The following TLE1 variants were observed in gnomAD, a reference collection of about 807,000 sequenced individuals.
TLE1 encodes transducin-like enhancer protein 1.
In TLE1, 21 loss-of-function variants were observed where a neutral mutation model predicts 89.8. That is an observed-to-expected ratio of 0.23 (90% CI 0.17 to 0.34). The LOEUF is 0.34. TLE1 is among the 10% of genes least tolerant of loss of function. The probability of loss-of-function intolerance (pLI) is 1.00; values close to 1 mark genes in which losing one functional copy is unlikely to be tolerated. For missense variants in TLE1, 795 were observed against 1,031.2 expected (o/e 0.77, Z 3.14); for synonymous variants, 447 against 407.6 (o/e 1.10, Z -1.16).
At chr9:81,678,618 C>T (rs1253987487) in intron 4 of TLE1, among the ~76,000 whole-genome samples, 2 of 151,952 alleles carry the variant, frequency 1.3e-5, no homozygotes, top group Non-Finnish European at 1.5e-5. Flanking sequence ...AGTTCAATAC[C>T]AGCCTGGCCA....
chr9:81,592,997 C>T, intron 15 of TLE1, 28 bp downstream of exon 15: 3 of 1,594,674 alleles, frequency 1.9e-6, no homozygotes, highest in Non-Finnish European at 2.6e-6. Flanking sequence ...GAGAAATTGC[C>T]CTTGTGCACC....
intron 2 of TLE1, 47 bp from the exon 3 acceptor site, chr9:81,685,943 T>A: frequency 6.3e-7 from 1 of 1,595,722 alleles, no homozygotes; most frequent in Non-Finnish European, 8.6e-7. Context: ...ATGTCACTTG[T>A]TTTAACATCT....
chr9:81,633,972 C>A, intron 7 of TLE1, 125 bp downstream of exon 7: 1 of 1,101,270 alleles, frequency 9.1e-7, no homozygotes, highest in Non-Finnish European at 1.2e-6. Flanking sequence ...AGCTTTGCGA[C>A]AGTTCCTCTT....
At chr9:81,616,807 C>T (rs974193541) in intron 9 of TLE1, 108 bp from the exon 10 acceptor site, 9 of 1,236,866 alleles carry the variant, frequency 7.3e-6, no homozygotes, top group African/African-American at 4.5e-5. Flanking sequence ...AAAAAAACTA[C>T]CTGGGACAGG....
chr9:81,664,955 A>G (rs1485818555), intron 4 of TLE1, among the ~76,000 whole-genome samples: 5 of 152,104 alleles, frequency 3.3e-5, no homozygotes, highest in Non-Finnish European at 7.3e-5. Flanking sequence ...CATCTATTTC[A>G]GCAGCATCTA....
intron 12 of TLE1, 33 bp downstream of exon 12, chr9:81,613,344 C>T (rs577861833): frequency 4.4e-6 from 7 of 1,603,328 alleles, no homozygotes; most frequent in South Asian, 2.2e-5. Context: ...ATGGGAGAAA[C>T]CAAACAAAGC....
At chr9:81,682,253 A>AT (rs1491271804) in intron 4 of TLE1, among the ~76,000 whole-genome samples, 1 of 130,092 alleles carries the variant, frequency 7.7e-6, no homozygotes, top group African/African-American at 2.7e-5. Context: ...ATTCCATCTC[A>AT]AAAAAAAAAA....
At chr9:81,593,343 A>C in intron 14 of TLE1, 69 bp from the exon 15 acceptor site, 1 of 1,508,142 alleles carries the variant, frequency 6.6e-7, no homozygotes, top group Non-Finnish European at 9.0e-7. Context: ...TATCTCGGCA[A>C]TGTGCTACGA....
At chr9:81,660,934 A>AACAC (rs548190067) in intron 4 of TLE1, among the ~76,000 whole-genome samples, 9,630 of 88,692 alleles carry the variant, frequency 0.11, 712 homozygotes, top group Non-Finnish European at 0.14. Context: ...ATCCCTACTA[A>AACAC]ACACACACAC....
chr9:81,633,051 TACAGATCAAA>T (rs1365194259), intron 8 of TLE1, among the ~76,000 whole-genome samples: 169 of 152,330 alleles, frequency 1.1e-3, no homozygotes, highest in African/African-American at 4.0e-3. Flanking sequence ...CAGGGGAATA[TACAGATCAAA>T]GTGTATTTCC....
At chr9:81,586,049 G>C (rs947079156) in intron 17 of TLE1, among the ~76,000 whole-genome samples, 2 of 125,810 alleles carry the variant, frequency 1.6e-5, no homozygotes, top group Non-Finnish European at 3.2e-5. Context: ...ACGGAGTCTT[G>C]CTCTGTCGCC....
chr9:81,629,396 A>G (rs1826295053), intron 8 of TLE1, among the ~76,000 whole-genome samples: 1 of 152,228 alleles, frequency 6.6e-6, no homozygotes, highest in South Asian at 2.1e-4. Flanking sequence ...TCTCTGCTCA[A>G]GAGCTGCACT....
rs749466960 is a variant in TLE1 at position 81,620,444 on chromosome 9, G to A, written c.708C>T (p.His236=). The stretch of plus-strand genomic sequence containing the variant: ...TTCAAGTCCTTTAATTACTTACATA[G>A]TGGCTGGAGTCCTTATCATCCACCT... ...KRKVDDKDSS[H]YDSDGDKSDD... Residue 236 remains histidine (H), a synonymous_variant, in exon 9 of 20, where the codon CAC becomes CAT. Coordinates refer to ENST00000376499, the MANE Select transcript of TLE1 (RefSeq NM_005077.5). 12 of 1,610,216 alleles carry A rather than the reference G, an allele frequency of 7.5e-6. No homozygotes were observed. The highest frequency in any genetic ancestry group is 1.0e-5 in the Non-Finnish European group (12 of 1,178,166).
At chr9:81,593,984 C>T (rs889003836) in intron 14 of TLE1, among the ~76,000 whole-genome samples, 6 of 152,090 alleles carry the variant, frequency 3.9e-5, no homozygotes, top group Admixed American at 1.3e-4. Flanking sequence ...ATGTTCTGAC[C>T]AATGAGGTGT....
chr9:81,668,906 A>G (rs770954350), intron 4 of TLE1, among the ~76,000 whole-genome samples: 2 of 152,252 alleles, frequency 1.3e-5, no homozygotes, highest in African/African-American at 4.8e-5. Flanking sequence ...TTATTTTACA[A>G]GTGGACAAAT....
chr9:81,663,105 C>T (rs1361137675), intron 4 of TLE1, among the ~76,000 whole-genome samples: 1 of 152,118 alleles, frequency 6.6e-6, no homozygotes, highest in African/African-American at 2.4e-5. Context: ...CTCGGCCCCC[C>T]AAAGTGCTGG....
chr9:81,675,722 G>A (rs1319120881), intron 4 of TLE1, among the ~76,000 whole-genome samples: 1 of 56,488 alleles, frequency 1.8e-5, no homozygotes, highest in Non-Finnish European at 3.4e-5. Flanking sequence ...TTTTTTTTGA[G>A]ACGGAGTCTC....
At chr9:81,671,765 C>T (rs1832260015) in intron 4 of TLE1, among the ~76,000 whole-genome samples, 1 of 152,118 alleles carries the variant, frequency 6.6e-6, no homozygotes, top group South Asian at 2.1e-4. Context: ...CTAGGGTAGT[C>T]GATTATAAAA....
intron 4 of TLE1, among the ~76,000 whole-genome samples, chr9:81,655,852 C>CA (rs5898754): frequency 0.025 from 3,115 of 126,962 alleles, 88 homozygotes; most frequent in African/African-American, 0.073. Context: ...GACCCTGTCT[C>CA]AAAAAAAAAA....
Sources: allele counts gnomAD v4.1 joint callset (sites outside exome capture counted in the v4.1 genomes callset), GRCh38; gene constraint gnomAD v4.1.1; transcripts MANE v1.5; gene names NCBI Gene and HGNC (gene_info 2026-07-23, HGNC 2026-07-21).